Variants in SLC20A2 observed in about 807,000 individuals in gnomAD.
The protein encoded by SLC20A2 is sodium-dependent phosphate transporter 2.
In SLC20A2, 30 loss-of-function variants were observed where a neutral mutation model predicts 61.0. That is an observed-to-expected ratio of 0.49 (90% CI 0.37 to 0.67). The LOEUF is 0.67. Ranked by LOEUF, SLC20A2 falls within the 30% of genes least tolerant of loss-of-function variation. The pLI is 0.00. For missense variants in SLC20A2, 626 were observed against 866.4 expected (o/e 0.72, Z 3.48); for synonymous variants, 351 against 353.3 (o/e 0.99, Z 0.07).
In SLC20A2 at chr8:42,430,218, G is replaced by A. The variant is rs755586555; in HGVS notation, c.1555C>T (p.Leu519=). The change falls in exon 9 of 11, where the codon CTG becomes TTG. Residue 519 remains leucine, a synonymous_variant. Transcript: ENST00000520262. The part of the protein sequence containing the change: ...NAIGPLVALW[L]IYKQGGVTQE... ...GTTACCCCGCCTTGTTTGTAAATCA[G>A]CCACAAGGCTACCAGGGGACCGATG... The A allele has an allele frequency of 6.2e-7, 1 of 1,613,606 alleles. No homozygotes were observed. Among genetic ancestry groups the A allele is most frequent in the Non-Finnish European group, 8.5e-7 (1 of 1,179,858 alleles).
intron 2 of SLC20A2, among the ~76,000 whole-genome samples, 190 bp downstream of exon 2, chr8:42,471,912 C>A (rs1379344675): frequency 6.6e-6 from 1 of 152,132 alleles, no homozygotes; most frequent in African/African-American, 2.4e-5. Context: ...TAAATGGTTG[C>A]CTGATATTTA....
Position 42,456,751 on chromosome 8 carries a change from A to AAC in SLC20A2, c.613+3144_613+3145insGT, listed in dbSNP as rs1554555708. On this transcript the variant is annotated intron_variant, in intron 5 of 10. Coordinates refer to ENST00000520262, the MANE Select transcript of SLC20A2 (RefSeq NM_001257180.2). ...TGTCTCAAAAAAAAAAAAAAAAAAAAAAAACAAGGACTAAGATATCTCCCG... is the reference window on the plus strand; with the variant it reads ...TGTCTCAAAAAAAAAAAAAAAAAAAAACAAAACAAGGACTAAGATATCTCCCG... 8.5e-4 allele frequency among the ~76,000 whole-genome samples: 109 copies of AAC among 127,706 alleles called. 3 individuals are homozygous for AAC. Among genetic ancestry groups the AAC allele is most frequent in the South Asian group, 1.5e-3 (6 of 3,908 alleles). The allele number at this position is 127,706 out of a possible 152,430, so 83.8% of individuals were successfully genotyped here. A position where few individuals can be genotyped will look rare whatever the true frequency, so the allele number is the denominator to read the frequency against.
At chr8:42,465,755 G>A (rs772496621) in intron 3 of SLC20A2, 22 bp downstream of exon 3, 2 of 1,567,908 alleles carry the variant, frequency 1.3e-6, no homozygotes, top group Admixed American at 2.0e-5. Context: ...CCTTCTTATG[G>A]GTAAAAGAAA....
intron 1 of SLC20A2, among the ~76,000 whole-genome samples, chr8:42,519,848 A>T (rs1238458055): frequency 6.6e-6 from 1 of 152,124 alleles, no homozygotes; most frequent in Non-Finnish European, 1.5e-5. Context: ...ATAATTTATC[A>T]TGTATAATTA....
At chr8:42,435,462 C>A (rs1001905770) in intron 8 of SLC20A2, among the ~76,000 whole-genome samples, 12 of 152,184 alleles carry the variant, frequency 7.9e-5, no homozygotes, top group African/African-American at 2.9e-4. Flanking sequence ...GAGGTTAGGA[C>A]TCGTTTTCCC....
chr8:42,531,548 G>T (rs1014860958), intron 1 of SLC20A2, among the ~76,000 whole-genome samples: 1 of 152,090 alleles, frequency 6.6e-6, no homozygotes, highest in Non-Finnish European at 1.5e-5. Flanking sequence ...GAATATAGAA[G>T]AATAAAGGAA....
intron 1 of SLC20A2, among the ~76,000 whole-genome samples, chr8:42,490,795 T>G (rs988739167): frequency 6.6e-6 from 1 of 152,116 alleles, no homozygotes; most frequent in African/African-American, 2.4e-5. Flanking sequence ...TAGGGACACT[T>G]AACCGCACAG....
rs766640433 is a variant in SLC20A2 at position 42,459,917 on chromosome 8, T to C, written c.592A>G (p.Ile198Val). Residue 198 changes from isoleucine (I) to valine (V), a missense_variant, in exon 5 of 11, where the codon ATC (isoleucine) becomes GTC (valine). Around this residue, in one of 3 missense-constraint regions of SLC20A2, gnomAD observed 361 missense variants for 422.3 expected, o/e 0.85. Transcript: ENST00000520262. Reference protein sequence around the residue: ...AATIAINVFSIMYTGAPVLGL... With the variant: ...AATIAINVFSVMYTGAPVLGL... ...TTACCTGGTGCTCCTGTGTACATGA[T>C]GGAAAAGACATTGATTGCTATGGTA... 3.1e-6 allele frequency: 5 copies of C among 1,612,866 alleles called. No individual in the cohort carries two copies. Among genetic ancestry groups the C allele is most frequent in the Non-Finnish European group, 4.2e-6 (5 of 1,179,362 alleles).
intron 3 of SLC20A2, among the ~76,000 whole-genome samples, chr8:42,463,831 C>T (rs1806898954): frequency 1.3e-5 from 2 of 152,010 alleles, no homozygotes; most frequent in South Asian, 4.1e-4. Flanking sequence ...TGACCCAGGA[C>T]TCCTAAGGTC....
chr8:42,471,828 TCTGTACTTTCTGAA>T (rs1412636058), intron 2 of SLC20A2, among the ~76,000 whole-genome samples: 2 of 152,240 alleles, frequency 1.3e-5, no homozygotes, highest in Non-Finnish European at 2.9e-5. Flanking sequence ...AAGGTCTTTT[TCTGTACTTTCTGAA>T]AAGTATTCAC....
In SLC20A2 at chr8:42,488,479, C is replaced by T. The variant is rs1199340363; in HGVS notation, c.-265+12552G>A. ...CTGAGATTACAGGCGTGAGCCACTG[C>T]ACCTGGCCATAACACTGCTATTAAA... is the stretch of plus-strand genomic sequence containing the variant. On this transcript the variant is annotated intron_variant, in intron 1 of 10. Transcript: ENST00000520262. Among the ~76,000 whole-genome samples the T allele has an allele frequency of 3.9e-5, 6 of 152,202 alleles. No homozygotes were observed. The East Asian group carries it at 9.7e-4, about 25-fold the overall frequency.
chr8:42,464,631 A>C (rs1807008736), intron 3 of SLC20A2, among the ~76,000 whole-genome samples: 1 of 152,148 alleles, frequency 6.6e-6, no homozygotes, highest in African/African-American at 2.4e-5. Context: ...ATTTCAAAAG[A>C]ATAGAGTTAA....
At chr8:42,540,910 C>T (rs1243289390) in intron 1 of SLC20A2, 1 of 152,232 alleles carries the variant, frequency 6.6e-6, no homozygotes, top group Non-Finnish European at 1.5e-5. Context: ...CCAAAAGGGA[C>T]TTACACTGAC....
rs1804931648 is a variant in SLC20A2, at chr8:42,443,266, TATATATATATATATATATA to T, written c.730+1361_730+1379del. ...TAATAATACAATTATTATTATAGGATATATATATATATATATATATATATATATATATATATATATATAA... is the reference window on the plus strand; with the variant it reads ...TAATAATACAATTATTATTATAGGATTATATATATATATATATATATATAA... On this transcript the variant is annotated intron_variant, in intron 6 of 10. Transcript: ENST00000520262. Among the ~76,000 whole-genome samples, 57 of 93,432 alleles carry T rather than the reference TATATATATATATATATATA, an allele frequency of 6.1e-4. 2 individuals are homozygous for T. The highest frequency in any genetic ancestry group is 3.6e-3 in the South Asian group (10 of 2,812). 61.3% of individuals were successfully genotyped at this position (93,432 alleles called of 152,430 possible).
At chr8:42,422,079 G>T (rs1803082380) in intron 10 of SLC20A2, among the ~76,000 whole-genome samples, 1 of 152,044 alleles carries the variant, frequency 6.6e-6, no homozygotes, top group Non-Finnish European at 1.5e-5. Flanking sequence ...TTGAGATAGA[G>T]TCTTGCTCTG....
chr8:42,522,163 A>G (rs1219393202), intron 1 of SLC20A2, among the ~76,000 whole-genome samples: 4 of 121,332 alleles, frequency 3.3e-5, no homozygotes, highest in African/African-American at 1.0e-4. Flanking sequence ...GAAGACTGCC[A>G]GAATAATAGT....
intron 3 of SLC20A2, among the ~76,000 whole-genome samples, chr8:42,464,092 C>CTTTTTTTTTTTTGTTTTTT (rs1806936271): frequency 4.9e-5 from 1 of 20,540 alleles, no homozygotes; most frequent in East Asian, 2.1e-3. Context: ...GCTGGATGAT[C>CTTTTTTTTTTTTGTTTTTT]TTTTTTTTTT....
chr8:42,483,635 C>T (rs1049653492), intron 1 of SLC20A2, among the ~76,000 whole-genome samples: 1 of 152,146 alleles, frequency 6.6e-6, no homozygotes, highest in Admixed American at 6.5e-5. Context: ...TCTTCCTTTC[C>T]GTATGCACTA....
intron 1 of SLC20A2, among the ~76,000 whole-genome samples, chr8:42,479,722 G>A (rs1224703424): frequency 6.6e-6 from 1 of 152,154 alleles, no homozygotes; most frequent in African/African-American, 2.4e-5. Context: ...CCACTCGGGA[G>A]GCTGAGGCAG....
Sources: gnomAD v4.1 joint callset for allele counts (sites outside exome capture counted in the v4.1 genomes callset) on GRCh38, gnomAD v4.1.1 for gene constraint, gnomAD v4.1.1 regional missense constraint, MANE v1.5 for transcripts, NCBI Gene and HGNC (gene_info 2026-07-23, HGNC 2026-07-21) for gene names.